Variants in IMPACT observed in about 807,000 individuals in gnomAD.
IMPACT encodes protein IMPACT.
Under a neutral mutation model 47.5 loss-of-function variants are expected in IMPACT, and 35 were observed. That is an observed-to-expected ratio of 0.74 (90% CI 0.56 to 0.98). The LOEUF is 0.98. IMPACT is among the 50% of genes least tolerant of loss of function. IMPACT has a pLI of 0.00. For synonymous variants in IMPACT, 118 were observed against 125.6 expected, an observed-to-expected ratio of 0.94 and a Z score of 0.40; for missense variants, 373 against 394.8, an observed-to-expected ratio of 0.94 and a Z score of 0.47.
At chr18:24,448,289 T>G (rs1909296923) in intron 9 of IMPACT, 106 bp downstream of exon 9, 2 of 613,354 alleles carry the variant, frequency 3.3e-6, no homozygotes, top group South Asian at 2.7e-5. Flanking sequence ...CTATGTAACA[T>G]AAGATATATT....
chr18:24,440,211 G>T (rs939255773), intron 5 of IMPACT, among the ~76,000 whole-genome samples: 1 of 151,952 alleles, frequency 6.6e-6, no homozygotes, highest in African/African-American at 2.4e-5. Flanking sequence ...TGCTCAAATT[G>T]TTCTAGCTTT....
Position 24,433,293 on chromosome 18 carries a change from G to A in IMPACT, c.281+2909G>A, listed in dbSNP as rs1224781970. Among the ~76,000 whole-genome samples, 14 of 130,468 alleles carry A rather than the reference G, an allele frequency of 1.1e-4. 1 individual carries two copies. The highest frequency in any genetic ancestry group is 8.9e-4 in the Admixed American group (9 of 10,142). 85.6% of individuals were successfully genotyped at this position (130,468 alleles called of 152,430 possible). ...CGGCTCACTGCAAGCTCTGCCTCCC[G>A]GGTTCACGCCATTCTCCTGCCTCAG... On this transcript the variant is annotated intron_variant, in intron 4 of 10. Transcript: ENST00000284202.
At chr18:24,434,804 T>G (rs1908868246) in intron 4 of IMPACT, among the ~76,000 whole-genome samples, 7 of 145,936 alleles carry the variant, frequency 4.8e-5, no homozygotes, top group African/African-American at 1.0e-4. Flanking sequence ...TATGTGTGTG[T>G]GTGTGTATAT....
chr18:24,428,999 C>A, intron 3 of IMPACT, 78 bp downstream of exon 3: 2 of 914,560 alleles, frequency 2.2e-6, no homozygotes, highest in Non-Finnish European at 3.4e-6. Flanking sequence ...TTTGCGTTTA[C>A]ATAAAATACC....
chr18:24,443,087 A>G lies in IMPACT; in HGVS notation c.529A>G (p.Ile177Val), dbSNP rs1909159415. 2 of 1,605,458 alleles carry G rather than the reference A, an allele frequency of 1.2e-6. No individual in the cohort carries two copies. The highest frequency in any genetic ancestry group is 1.7e-6 in the Non-Finnish European group (2 of 1,174,466). The part of the protein sequence containing the change: ...VEELPPIDHG[I>V]PITDRRSTFQ... ...AGAATTACCTCCGATTGATCATGGC[A>G]TTCCTATTACAGACCGAAGAAGTAC... Residue 177 changes from isoleucine (I) to valine (V), a missense_variant, in exon 7 of 11, where the codon ATT becomes GTT. Physicochemically the swap from Ile to Val is conservative, Grantham distance 29 (BLOSUM62 3). Coordinates refer to ENST00000284202, the MANE Select transcript of IMPACT (RefSeq NM_018439.4).
chr18:24,428,754 T>C, intron 2 of IMPACT, 115 bp from the exon 3 acceptor site: 1 of 693,156 alleles, frequency 1.4e-6, no homozygotes, highest in Non-Finnish European at 2.4e-6. Context: ...TCAGTTTTCC[T>C]TTTCCTTTCA....
At chr18:24,447,716 A>G (rs896257414) in intron 8 of IMPACT, among the ~76,000 whole-genome samples, 6 of 152,068 alleles carry the variant, frequency 3.9e-5, no homozygotes, top group Non-Finnish European at 5.9e-5. Context: ...TACTTCCTTT[A>G]TAATATGTCT....
chr18:24,428,975 T>A (rs1908682495), intron 3 of IMPACT, 54 bp downstream of exon 3: 1 of 1,251,354 alleles, frequency 8.0e-7, no homozygotes, highest in Non-Finnish European at 1.2e-6. Context: ...TTCTGAAAGA[T>A]GTTTATACTG....
intron 4 of IMPACT, among the ~76,000 whole-genome samples, chr18:24,437,301 G>T (rs1444518358): frequency 6.6e-6 from 1 of 152,104 alleles, no homozygotes; most frequent in Non-Finnish European, 1.5e-5. Context: ...CTATGGACAT[G>T]ACTTTAAAAC....
rs78001299 is a variant in IMPACT, at chr18:24,450,364, C to T, written c.894+411C>T. 6.4e-3 allele frequency among the ~76,000 whole-genome samples: 975 copies of T among 152,170 alleles called. 9 individuals carry two copies. The highest frequency in any genetic ancestry group is 0.023 in the African/African-American group (935 of 41,518). ...TTCTCTGTTAGTGTCAAAACATCTCCCCCTTCACTGGCATACCTTTAGATG... is the reference window on the plus strand; with the variant it reads ...TTCTCTGTTAGTGTCAAAACATCTCTCCCTTCACTGGCATACCTTTAGATG... On this transcript the variant is annotated intron_variant, in intron 10 of 10. Transcript: ENST00000284202.
rs903403370 is a variant in IMPACT at position 24,449,698 on chromosome 18, T to A, written c.760-121T>A. The A allele has an allele frequency of 8.4e-6, 7 of 830,270 alleles. No individual in the cohort carries two copies. In the Admixed American group the frequency reaches 9.1e-5, roughly 11 times the overall value. 51.4% of individuals were successfully genotyped at this position (830,270 alleles called of 1,614,324 possible). ...CCTACTCACTCATATGGCTCTACCA[T>A]TAAAGTCACTGGGAAATTTTATGTG... On this transcript the variant is annotated intron_variant, in intron 9 of 10. Coordinates refer to ENST00000284202, the MANE Select transcript of IMPACT (RefSeq NM_018439.4).
rs749828363 is a variant in IMPACT, at chr18:24,443,128, G to C, written c.570G>C (p.Leu190Phe). 15 of 1,601,300 alleles carry C rather than the reference G, an allele frequency of 9.4e-6. No individual in the cohort carries two copies. The highest frequency in any genetic ancestry group is 1.7e-4 in the Middle Eastern group (1 of 6,052). The part of the protein sequence containing the change: ...TDRRSTFQAH[L>F]APVVCPKQVK... ...GAAGAAGTACTTTTCAGGCACACTT[G>C]GCTCCAGTGGTTTGTCCCAAACAGG... is the stretch of plus-strand genomic sequence containing the variant. The change falls in exon 7 of 11, where the codon TTG becomes TTC. Residue 190 changes from leucine to phenylalanine, a missense_variant. Leu to Phe is a conservative substitution (Grantham distance 22). Transcript: ENST00000284202.
intron 6 of IMPACT, 49 bp downstream of exon 6, chr18:24,440,667 T>G: frequency 6.7e-7 from 1 of 1,488,410 alleles, no homozygotes; most frequent in Non-Finnish European, 9.1e-7. Context: ...GTTGGTAGTA[T>G]TATGTATTGT....
chr18:24,452,058 C>T lies in IMPACT; in HGVS notation c.*1211C>T, dbSNP rs1397297911. On this transcript the variant is annotated 3_prime_UTR_variant, in exon 11 of 11. Coordinates refer to ENST00000284202, the MANE Select transcript of IMPACT (RefSeq NM_018439.4). ...AAGTTATTAACTGATCACAGATTTG[C>T]CTGGACTTCCCTTCCCAGGGAGGGA... 6.6e-6 allele frequency: 1 copy of T among 152,128 alleles called. No individual in the cohort carries two copies. Among genetic ancestry groups the T allele is most frequent in the Non-Finnish European group, 1.5e-5 (1 of 68,032 alleles). The allele number at this position is 152,128 out of a possible 1,614,324, so 9.4% of individuals were successfully genotyped here. A position where few individuals can be genotyped will look rare whatever the true frequency, so the allele number is the denominator to read the frequency against.
chr18:24,429,273 G>A (rs1351821284), intron 3 of IMPACT, among the ~76,000 whole-genome samples: 1 of 152,116 alleles, frequency 6.6e-6, no homozygotes, highest in Non-Finnish European at 1.5e-5. Flanking sequence ...GTTCCTTGAT[G>A]TACCTGTAAG....
intron 4 of IMPACT, among the ~76,000 whole-genome samples, chr18:24,431,055 A>G (rs1450377848): frequency 6.6e-6 from 1 of 152,242 alleles, no homozygotes; most frequent in African/African-American, 2.4e-5. Flanking sequence ...TATGGCTAGC[A>G]TGAACAGAAG....
At chr18:24,441,769 G>C (rs1163169762) in intron 6 of IMPACT, among the ~76,000 whole-genome samples, 1 of 152,078 alleles carries the variant, frequency 6.6e-6, no homozygotes, top group Non-Finnish European at 1.5e-5. Context: ...ATGAAAGAGT[G>C]GGGAGCATCC....
chr18:24,438,652 AGACGAGGTCTCC>A (rs1909010549), intron 5 of IMPACT, among the ~76,000 whole-genome samples: 1 of 152,196 alleles, frequency 6.6e-6, no homozygotes, highest in Non-Finnish European at 1.5e-5. Context: ...TTTTTTCTAC[AGACGAGGTCTCC>A]CTATGTTGCC....
intron 1 of IMPACT, 155 bp from the exon 2 acceptor site, chr18:24,427,764 T>A (rs1161334923): frequency 6.4e-6 from 4 of 629,316 alleles, no homozygotes. Context: ...CAGAACATGG[T>A]GACCTGCTCT....
Sources: allele counts gnomAD v4.1 joint callset (sites outside exome capture counted in the v4.1 genomes callset), GRCh38; gene constraint gnomAD v4.1.1; transcripts MANE v1.5; gene names NCBI Gene and HGNC (gene_info 2026-07-23, HGNC 2026-07-21).